MTHFD1L: variants seen among roughly 807,000 people sequenced by gnomAD.
The protein encoded by MTHFD1L is monofunctional C1-tetrahydrofolate synthase, mitochondrial.
MTHFD1L carries 81 observed loss-of-function variants against 119.5 expected under a neutral mutation model. The observed-to-expected ratio is 0.68, with a 90% CI of 0.57 to 0.82. The LOEUF (loss-of-function observed/expected upper bound fraction) is 0.82. Ranked by LOEUF, MTHFD1L falls within the 40% of genes least tolerant of loss-of-function variation. The pLI, the probability that MTHFD1L is intolerant of heterozygous loss-of-function variation, is 0.00. For missense variants in MTHFD1L, 1,125 were observed against 1,253.4 expected (o/e 0.90, Z 1.55); for synonymous variants, 430 against 475.2 (o/e 0.90, Z 1.24).
chr6:150,883,940 A>G (rs1358402879), intron 5 of MTHFD1L, among the ~76,000 whole-genome samples: 3 of 152,126 alleles, frequency 2.0e-5, no homozygotes, highest in Non-Finnish European at 2.9e-5. Context: ...TGAGACACCC[A>G]GCAATCTTCC....
At position 150,918,631 on chromosome 6, in the gene MTHFD1L, A is replaced by G. The variant is rs1425980424; in HGVS notation, c.947A>G (p.Asp316Gly). 1 of 1,614,142 alleles carries G rather than the reference A, an allele frequency of 6.2e-7. No homozygotes were observed. Among genetic ancestry groups the G allele is most frequent in the Non-Finnish European group, 8.5e-7 (1 of 1,180,008 alleles). ...CATTTTGGTGGACTCATTGAGGAAG[A>G]TGATGTGATTCTCCTTGCTGCAGCT... ...RIHFGGLIEE[D>G]DVILLAAALR... Residue 316 changes from aspartate (D) to glycine (G), a missense_variant, in exon 9 of 28, where the codon GAT (aspartate) becomes GGT (glycine). By Grantham distance (94) the Asp-to-Gly change is moderately conservative. Transcript: ENST00000367321.
intron 19 of MTHFD1L, among the ~76,000 whole-genome samples, chr6:150,966,533 G>A (rs1797240279): frequency 6.6e-6 from 1 of 152,064 alleles, no homozygotes; most frequent in Non-Finnish European, 1.5e-5. Context: ...GACAGAAATG[G>A]GGGGATTGGC....
chr6:150,997,841 C>G (rs1482907572), intron 20 of MTHFD1L, among the ~76,000 whole-genome samples: 2 of 152,200 alleles, frequency 1.3e-5, no homozygotes, highest in Non-Finnish European at 2.9e-5. Flanking sequence ...GGAGCTGCCT[C>G]TGCTGTTTGT....
chr6:150,897,065 C>G (rs181871847), intron 7 of MTHFD1L, among the ~76,000 whole-genome samples: 2 of 151,836 alleles, frequency 1.3e-5, no homozygotes, highest in Non-Finnish European at 2.9e-5. Flanking sequence ...TGCAGTGAGC[C>G]GAGATCGCGC....
rs1282847586 is a variant in MTHFD1L at position 151,092,448 on chromosome 6, G to T, written c.2848-19G>T. 5.0e-6 allele frequency: 8 copies of T among 1,597,628 alleles called. No homozygotes were observed. In the South Asian group the frequency reaches 7.9e-5, roughly 16 times the overall value. ...TTTGTAGCATTTGCTAATCTGTAAC[G>T]CTTGGTTTTCTCCCCCAGATGAGCA... On this transcript the variant is annotated intron_variant, in intron 26 of 27. Coordinates refer to ENST00000367321, the MANE Select transcript of MTHFD1L (RefSeq NM_015440.5).
chr6:151,017,711 T>C (rs73620632), intron 24 of MTHFD1L, among the ~76,000 whole-genome samples: 9,916 of 152,142 alleles, frequency 0.065, 1,077 homozygotes, highest in African/African-American at 0.23. Flanking sequence ...TTTGTTTCTT[T>C]GTCCATCTGT....
At chr6:150,869,669 T>TA (rs1779067137) in intron 1 of MTHFD1L, among the ~76,000 whole-genome samples, 1 of 152,062 alleles carries the variant, frequency 6.6e-6, no homozygotes, top group African/African-American at 2.4e-5. Flanking sequence ...ATTGTACCTT[T>TA]CAATTGAGTT....
intron 20 of MTHFD1L, among the ~76,000 whole-genome samples, chr6:150,974,742 T>A (rs1223501899): frequency 4.0e-5 from 6 of 151,306 alleles, no homozygotes; most frequent in African/African-American, 1.5e-4. Flanking sequence ...TTTTTTTTTT[T>A]TTATTTTTTG....
At chr6:150,937,612 CAG>C (rs1193212745) in intron 12 of MTHFD1L, among the ~76,000 whole-genome samples, 1 of 152,150 alleles carries the variant, frequency 6.6e-6, no homozygotes, top group Non-Finnish European at 1.5e-5. Context: ...TGATAACGCA[CAG>C]AGTGTCATGC....
chr6:150,986,523 G>T (rs73616906), intron 20 of MTHFD1L, among the ~76,000 whole-genome samples: 6 of 152,120 alleles, frequency 3.9e-5, no homozygotes, highest in African/African-American at 1.4e-4. Context: ...ATCATAAGGC[G>T]TGGGTCCTAG....
intron 8 of MTHFD1L, among the ~76,000 whole-genome samples, chr6:150,918,174 T>C (rs890776253): frequency 6.6e-6 from 1 of 151,078 alleles, no homozygotes; most frequent in Non-Finnish European, 1.5e-5. Context: ...CAAGCGATTC[T>C]CCTGCCTCAG....
At chr6:150,937,940 TC>T (rs1792398679) in intron 12 of MTHFD1L, among the ~76,000 whole-genome samples, 1 of 152,210 alleles carries the variant, frequency 6.6e-6, no homozygotes, top group Non-Finnish European at 1.5e-5. Context: ...ATGACAAATC[TC>T]ACATACTATT....
At chr6:151,044,426 C>G (rs1386132528) in intron 26 of MTHFD1L, among the ~76,000 whole-genome samples, 1 of 151,756 alleles carries the variant, frequency 6.6e-6, no homozygotes, top group African/African-American at 2.4e-5. Context: ...CTCAGCCTCC[C>G]GAGTAGCTGG....
In MTHFD1L at chr6:151,034,481, G is replaced by C. The variant is rs762858684; in HGVS notation, c.2587-12G>C. 9.7e-6 allele frequency: 15 copies of C among 1,542,120 alleles called. No individual in the cohort carries two copies. Among genetic ancestry groups the C allele is most frequent in the Non-Finnish European group, 1.3e-5 (15 of 1,117,994 alleles). On this transcript the variant is annotated splice_polypyrimidine_tract_variant and intron_variant, in intron 24 of 27. Transcript: ENST00000367321. The stretch of plus-strand genomic sequence containing the variant: ...AACTTATACAATTTTGTTATAATTT[G>C]TGTTTCTCCAGGTTCCAATTGTGGA...
At position 151,098,450 on chromosome 6, in the gene MTHFD1L, C is replaced by A. The variant is rs981743810; in HGVS notation, c.*32-3076C>A. The stretch of plus-strand genomic sequence containing the variant: ...CGAGAAAAGGGGCGCCAAGGCATCA[C>A]CCTGAGCCATCCGAGGAGTGCTGTG... On this transcript the variant is annotated intron_variant, in intron 27 of 27. Transcript: ENST00000367321. 2.6e-5 allele frequency among the ~76,000 whole-genome samples: 4 copies of A among 152,256 alleles called. No homozygotes were observed. The East Asian group carries it at 7.7e-4, about 29-fold the overall frequency.
chr6:150,973,752 T>A (rs891373393), intron 20 of MTHFD1L, among the ~76,000 whole-genome samples: 1 of 152,190 alleles, frequency 6.6e-6, no homozygotes, highest in Non-Finnish European at 1.5e-5. Context: ...TCTCTGGGTG[T>A]GTCCCCTGTA....
intron 16 of MTHFD1L, among the ~76,000 whole-genome samples, chr6:150,955,379 T>C (rs1409113439): frequency 6.6e-6 from 1 of 152,214 alleles, no homozygotes; most frequent in Non-Finnish European, 1.5e-5. Flanking sequence ...CACCTGTTGG[T>C]CGCTTCCTCC....
chr6:151,019,644 T>C (rs1783669015), intron 24 of MTHFD1L, among the ~76,000 whole-genome samples: 1 of 152,204 alleles, frequency 6.6e-6, no homozygotes, highest in African/African-American at 2.4e-5. Flanking sequence ...TTGAGCTGCA[T>C]AATTGTTTGT....
chr6:150,898,189 C>T (rs1356908808), intron 7 of MTHFD1L, among the ~76,000 whole-genome samples: 1 of 152,194 alleles, frequency 6.6e-6, no homozygotes, highest in Non-Finnish European at 1.5e-5. Context: ...TAACCTATAA[C>T]AATGAAGCAC....
Sources: allele counts gnomAD v4.1 joint callset (sites outside exome capture counted in the v4.1 genomes callset), GRCh38; gene constraint gnomAD v4.1.1; transcripts MANE v1.5; gene names NCBI Gene and HGNC (gene_info 2026-07-23, HGNC 2026-07-21).